The following CPD variants were observed in gnomAD, a reference collection of about 807,000 sequenced individuals.
CPD encodes metallocarboxypeptidase D.
Under a neutral mutation model 138.3 loss-of-function variants are expected in CPD, and 69 were observed. The observed-to-expected ratio is 0.50, with a 90% CI of 0.41 to 0.61. CPD has a LOEUF of 0.61. Among genes scored for constraint, CPD ranks in the 20% least tolerant of loss-of-function variants. CPD has a pLI of 0.00. For synonymous variants in CPD, 651 were observed against 642.1 expected, an observed-to-expected ratio of 1.01 and a Z score of -0.21; for missense variants, 1,432 against 1,733.3, an observed-to-expected ratio of 0.83 and a Z score of 3.09.
chr17:30,392,919 T>G (rs1283918432), intron 2 of CPD, among the ~76,000 whole-genome samples: 1 of 152,246 alleles, frequency 6.6e-6, no homozygotes, highest in African/African-American at 2.4e-5. Flanking sequence ...TATGTATTGC[T>G]CATGTGAGTC....
intron 20 of CPD, among the ~76,000 whole-genome samples, chr17:30,463,192 G>A (rs1324010824): frequency 3.9e-5 from 6 of 152,130 alleles, no homozygotes; most frequent in Admixed American, 6.5e-5. Context: ...ATACTCAAAC[G>A]TCACCTCCAC....
chr17:30,382,592 T>C (rs1351795278), intron 1 of CPD, among the ~76,000 whole-genome samples: 1 of 152,184 alleles, frequency 6.6e-6, no homozygotes, highest in Non-Finnish European at 1.5e-5. Context: ...GTAAGGAAAA[T>C]CGAAGTGAAT....
intron 2 of CPD, among the ~76,000 whole-genome samples, chr17:30,414,869 G>C (rs1439462766): frequency 2.0e-5 from 3 of 152,178 alleles, no homozygotes. Context: ...GATATGTTAA[G>C]TTTGTGATAT....
At chr17:30,396,017 A>T (rs1046451634) in intron 2 of CPD, among the ~76,000 whole-genome samples, 4 of 152,138 alleles carry the variant, frequency 2.6e-5, no homozygotes, top group African/African-American at 9.7e-5. Flanking sequence ...TGATTTTTCC[A>T]TTGATTTGGC....
At chr17:30,380,645 A>G (rs867467511) in intron 1 of CPD, 7 of 1,510,332 alleles carry the variant, frequency 4.6e-6, no homozygotes, top group Middle Eastern at 3.4e-4. Context: ...TTTATGAGGT[A>G]TGTTGGTGTA....
In CPD at chr17:30,469,588, G is replaced by A. The variant is rs143621349; in HGVS notation, c.*4774G>A. 2.5e-3 allele frequency: 388 copies of A among 152,236 alleles called. 3 individuals are homozygous for A. Among genetic ancestry groups the A allele is most frequent in the African/African-American group, 9.1e-3 (377 of 41,564 alleles). 9.4% of individuals were successfully genotyped at this position (152,236 alleles called of 1,614,324 possible). A position where few individuals can be genotyped will look rare whatever the true frequency, so the allele number is the denominator to read the frequency against. ...TTACTTTATCAAATGTATAAATAAAGATCTGTTTATAGGTGATCTTTTTAA... is the reference window on the plus strand; with the variant it reads ...TTACTTTATCAAATGTATAAATAAAAATCTGTTTATAGGTGATCTTTTTAA... On this transcript the variant is annotated 3_prime_UTR_variant, in exon 21 of 21. Coordinates refer to ENST00000225719, the MANE Select transcript of CPD (RefSeq NM_001304.5).
intron 2 of CPD, among the ~76,000 whole-genome samples, chr17:30,420,560 T>G (rs1912239013): frequency 1.3e-5 from 2 of 152,350 alleles, no homozygotes; most frequent in Non-Finnish European, 2.9e-5. Flanking sequence ...GCTGCTATTA[T>G]TATTGTTACT....
At chr17:30,447,491 G>A (rs1266664476) in intron 12 of CPD, 1 of 152,120 alleles carries the variant, frequency 6.6e-6, no homozygotes, top group African/African-American at 2.4e-5. Flanking sequence ...TAATTATTTT[G>A]ACTGATTGTA....
At chr17:30,432,780 G>T (rs571885727) in intron 8 of CPD, among the ~76,000 whole-genome samples, 1 of 152,108 alleles carries the variant, frequency 6.6e-6, no homozygotes, top group South Asian at 2.1e-4. Flanking sequence ...TTAGCCGGTT[G>T]TGGTGACATG....
intron 2 of CPD, among the ~76,000 whole-genome samples, chr17:30,396,889 A>G (rs1052766657): frequency 6.8e-6 from 1 of 147,056 alleles, no homozygotes; most frequent in Admixed American, 6.8e-5. Context: ...CTCAGTTTTC[A>G]TACGTATTCT....
At chr17:30,423,823 T>G in intron 6 of CPD, 126 bp downstream of exon 6, 1 of 673,976 alleles carries the variant, frequency 1.5e-6, no homozygotes, top group Non-Finnish European at 2.3e-6. Flanking sequence ...AATTTATGAT[T>G]GATTTTAGCT....
rs188759223 is a variant in CPD, at chr17:30,424,458, T to C, written c.1849+761T>C. ...CTGAACCAGTCTTTCAGGTTAACTTTGGAGTGCCGTGGTCAAGAGGAGGGA... is the reference window on the plus strand; with the variant it reads ...CTGAACCAGTCTTTCAGGTTAACTTCGGAGTGCCGTGGTCAAGAGGAGGGA... On this transcript the variant is annotated intron_variant, in intron 6 of 20. Transcript: ENST00000225719. Among the ~76,000 whole-genome samples, 39 of 152,320 alleles carry C rather than the reference T, an allele frequency of 2.6e-4. No homozygotes were observed. In the East Asian group the frequency reaches 5.6e-3, roughly 22 times the overall value.
intron 2 of CPD, among the ~76,000 whole-genome samples, chr17:30,388,238 C>T (rs1156431831): frequency 6.6e-6 from 1 of 152,200 alleles, no homozygotes; most frequent in Non-Finnish European, 1.5e-5. Context: ...CACAAGTCCC[C>T]ACTCCAGTCT....
chr17:30,385,305 C>T, intron 2 of CPD, 69 bp downstream of exon 2: 1 of 1,500,366 alleles, frequency 6.7e-7, no homozygotes, highest in Non-Finnish European at 9.0e-7. Flanking sequence ...GTATTCTGAG[C>T]AAAAAAGAAG....
chr17:30,420,730 A>C (rs1912242459), intron 2 of CPD, 111 bp from the exon 3 acceptor site: 1 of 989,244 alleles, frequency 1.0e-6, no homozygotes. Flanking sequence ...CAATTTAATG[A>C]AAAGAAAAGA....
At chr17:30,397,737 C>CAAA (rs71138885) in intron 2 of CPD, among the ~76,000 whole-genome samples, 279 of 29,378 alleles carry the variant, frequency 9.5e-3, no homozygotes, top group Non-Finnish European at 0.013. Context: ...ACTCCTGTCT[C>CAAA]AAAAAAAAAA....
Position 30,423,576 on chromosome 17 carries a change from C to A in CPD, c.1728C>A (p.Asn576Lys). 7 of 1,611,200 alleles carry A rather than the reference C, an allele frequency of 4.3e-6. No homozygotes were observed. The highest frequency in any genetic ancestry group is 5.9e-6 in the Non-Finnish European group (7 of 1,178,790). ...NEVVGRELLLNLIEYLCKNFG... is the reference protein window; with the variant it reads ...NEVVGRELLLKLIEYLCKNFG... ...TGGTTGGAAGAGAACTGCTGTTGAA[C>A]CTCATAGAATACCTTTGTAAGAACT... Residue 576 changes from asparagine (N) to lysine (K), a missense_variant, in exon 6 of 21, where the codon AAC (asparagine) becomes AAA (lysine). This residue lies in a region of CPD where 297 missense variants were observed against 405.3 expected (regional missense o/e 0.73). Coordinates refer to ENST00000225719, the MANE Select transcript of CPD (RefSeq NM_001304.5).
intron 1 of CPD, chr17:30,380,390 C>CAG: frequency 1.1e-6 from 1 of 935,428 alleles, no homozygotes; most frequent in Non-Finnish European, 1.4e-6. Flanking sequence ...TTACCTCTGA[C>CAG]TCAGCTTAAG....
chr17:30,445,298 C>G (rs527643854), intron 11 of CPD, among the ~76,000 whole-genome samples: 64 of 152,204 alleles, frequency 4.2e-4, no homozygotes, highest in African/African-American at 1.3e-3. Context: ...AATCCTGTCT[C>G]TACTAAAAAT....
Sources: gnomAD v4.1 joint callset for allele counts (sites outside exome capture counted in the v4.1 genomes callset) on GRCh38, gnomAD v4.1.1 for gene constraint, gnomAD v4.1.1 regional missense constraint, MANE v1.5 for transcripts, NCBI Gene and HGNC (gene_info 2026-07-23, HGNC 2026-07-21) for gene names.